The following MAPK10 variants were observed in gnomAD, a reference collection of about 807,000 sequenced individuals.
MAPK10 encodes the protein JNK3 alpha protein kinase.
A neutral mutation model predicts 59.3 loss-of-function variants in MAPK10; 25 were observed. The observed-to-expected ratio is 0.42, with a 90% confidence interval of 0.31 to 0.59. MAPK10 has a LOEUF of 0.59. Among genes scored for constraint, MAPK10 ranks in the 20% least tolerant of loss-of-function variants. The probability of loss-of-function intolerance (pLI) is 0.15; values close to 1 mark genes in which losing one functional copy is unlikely to be tolerated. For missense variants in MAPK10, 351 were observed against 568.9 expected (o/e 0.62, Z 3.90); for synonymous variants, 190 against 200.5 (o/e 0.95, Z 0.44).
chr4:86,453,145 G>C (rs1375751610), exon 1 of MAPK10: 1 of 152,280 alleles, frequency 6.6e-6, no homozygotes, highest in African/African-American at 2.4e-5. Flanking sequence ...GGCCTCACAG[G>C]GGTCCTTGAG....
chr4:86,098,412 A>T, intron 9 of MAPK10, 112 bp downstream of exon 9: 1 of 1,515,480 alleles, frequency 6.6e-7, no homozygotes, highest in African/African-American at 1.4e-5. Context: ...TTACAATAAC[A>T]CCACTTACCC....
chr4:86,441,338 C>T (rs1411092518), intron 1 of MAPK10, among the ~76,000 whole-genome samples: 1 of 152,206 alleles, frequency 6.6e-6, no homozygotes, highest in Non-Finnish European at 1.5e-5. Context: ...CTAAAATACC[C>T]TTATTCGTAT....
chr4:86,050,838 C>A (rs1362090479), intron 11 of MAPK10, among the ~76,000 whole-genome samples: 1 of 152,036 alleles, frequency 6.6e-6, no homozygotes, highest in Non-Finnish European at 1.5e-5. Context: ...GCATATATGT[C>A]CTGAAAGAAA....
At chr4:86,272,319 C>A (rs936937181) in intron 2 of MAPK10, among the ~76,000 whole-genome samples, 3 of 151,982 alleles carry the variant, frequency 2.0e-5, no homozygotes, top group Admixed American at 1.3e-4. Context: ...ATGAGCAGAA[C>A]CCTTAAATGT....
chr4:86,013,055 G>A lies in MAPK10; in HGVS notation c.*4173C>T, dbSNP rs941652123. On this transcript the variant is annotated 3_prime_UTR_variant, in exon 14 of 14. Coordinates refer to ENST00000641462, the MANE Select transcript of MAPK10 (RefSeq NM_138982.4). Reference sequence around the variant, plus strand: ...GTCCATTAGAATATACTGGCCATTGGTCCCACATAAGTAAAGTTACATATA... The same window carrying A: ...GTCCATTAGAATATACTGGCCATTGATCCCACATAAGTAAAGTTACATATA... 1.5e-4 allele frequency: 23 copies of A among 152,038 alleles called. No individual in the cohort carries two copies. Among genetic ancestry groups the A allele is most frequent in the African/African-American group, 5.6e-4 (23 of 41,382 alleles). The allele number at this position is 152,038 out of a possible 1,614,324, so 9.4% of individuals were successfully genotyped here. A position where few individuals can be genotyped will look rare whatever the true frequency, so the allele number is the denominator to read the frequency against.
At chr4:86,141,276 T>C (rs977463616) in intron 4 of MAPK10, among the ~76,000 whole-genome samples, 8 of 152,204 alleles carry the variant, frequency 5.3e-5, no homozygotes, top group Non-Finnish European at 1.0e-4. Flanking sequence ...ATGATAGTCC[T>C]ATGGTGAACA....
chr4:86,340,267 C>T lies in MAPK10; in HGVS notation c.-7+14263G>A, dbSNP rs908176034. 6 of 151,468 alleles carry T rather than the reference C, an allele frequency of 4.0e-5. No homozygotes were observed. In the East Asian group the frequency reaches 7.8e-4, roughly 20 times the overall value. The allele number at this position is 151,468 out of a possible 1,614,324, so 9.4% of individuals were successfully genotyped here. ...GCCAAGATCACATATTGTATTAGTT[C>T]GTTTTCACTCTGCTATAAAGAACTA... On this transcript the variant is annotated intron_variant, in intron 2 of 13. Transcript: ENST00000641462.
At chr4:86,586,027 G>T (rs148513772) in intron 1 of MAPK10, among the ~76,000 whole-genome samples, 40 of 152,156 alleles carry the variant, frequency 2.6e-4, no homozygotes, top group African/African-American at 9.4e-4. Context: ...TTCATTTCTG[G>T]GAACACTTTT....
At chr4:86,039,938 G>A (rs1241501504) in intron 11 of MAPK10, among the ~76,000 whole-genome samples, 1 of 152,092 alleles carries the variant, frequency 6.6e-6, no homozygotes, top group Non-Finnish European at 1.5e-5. Context: ...CAACCTACCT[G>A]AGGACTCCAA....
intron 2 of MAPK10, among the ~76,000 whole-genome samples, chr4:86,220,130 G>C (rs143624370): frequency 0.03 from 4,541 of 152,050 alleles, 95 homozygotes; most frequent in South Asian, 0.042. Context: ...ATAAACAAAG[G>C]CATCTTAATA....
intron 4 of MAPK10, among the ~76,000 whole-genome samples, chr4:86,153,850 T>C (rs1432851815): frequency 6.6e-6 from 1 of 152,118 alleles, no homozygotes; most frequent in African/African-American, 2.4e-5. Context: ...GCTACATATA[T>C]AAAAGACAGT....
intron 11 of MAPK10, among the ~76,000 whole-genome samples, chr4:86,040,161 T>G (rs1378103181): frequency 6.6e-6 from 1 of 152,126 alleles, no homozygotes; most frequent in Non-Finnish European, 1.5e-5. Context: ...TCCCAGTGGC[T>G]GAGTCAAGAG....
intron 1 of MAPK10, among the ~76,000 whole-genome samples, chr4:86,478,674 A>T (rs960477871): frequency 1.3e-5 from 2 of 151,860 alleles, no homozygotes; most frequent in African/African-American, 4.8e-5. Context: ...CTGATACCAC[A>T]CCTGAGCCCC....
At chr4:86,256,798 T>G (rs536693133) in intron 2 of MAPK10, among the ~76,000 whole-genome samples, 1 of 144,750 alleles carries the variant, frequency 6.9e-6, no homozygotes, top group South Asian at 2.2e-4. Flanking sequence ...TGGAGTACAG[T>G]GGCGCGATCT....
chr4:86,445,598 T>C (rs1749938731), intron 1 of MAPK10, among the ~76,000 whole-genome samples: 1 of 152,004 alleles, frequency 6.6e-6, no homozygotes, highest in African/African-American at 2.4e-5. Flanking sequence ...AAATTTACAC[T>C]GAAAAACAAA....
intron 11 of MAPK10, among the ~76,000 whole-genome samples, chr4:86,048,060 GT>G (rs1219581745): frequency 6.6e-6 from 1 of 152,036 alleles, no homozygotes; most frequent in Non-Finnish European, 1.5e-5. Context: ...ATTTTCTAGA[GT>G]TTTTATGAGG....
intron 2 of MAPK10, chr4:86,300,946 C>G (rs2148845344): frequency 6.7e-6 from 1 of 150,192 alleles, no homozygotes; most frequent in East Asian, 2.0e-4. Context: ...GGGAACAGTT[C>G]CAAAAAGGAG....
chr4:86,427,537 T>C (rs1386824104), intron 1 of MAPK10, among the ~76,000 whole-genome samples: 4 of 152,162 alleles, frequency 2.6e-5, no homozygotes, highest in Non-Finnish European at 5.9e-5. Context: ...AGGACCTAAG[T>C]TCTATCCCAC....
At chr4:86,496,687 C>T (rs748044695) in intron 1 of MAPK10, among the ~76,000 whole-genome samples, 2 of 152,130 alleles carry the variant, frequency 1.3e-5, no homozygotes, top group South Asian at 4.1e-4. Flanking sequence ...TTACAAATTA[C>T]AATTTTAAAG....
Sources: allele counts gnomAD v4.1 joint callset (sites outside exome capture counted in the v4.1 genomes callset), GRCh38; gene constraint gnomAD v4.1.1; transcripts MANE v1.5; gene names NCBI Gene and HGNC (gene_info 2026-07-23, HGNC 2026-07-21).